The following ATP11C variants were observed in gnomAD, a reference collection of about 807,000 sequenced individuals.
ATP11C encodes ATPase phospholipid transporting 11C (ATP11C blood group).
In ATP11C, 36 loss-of-function variants were observed where a neutral mutation model predicts 97.4. That is an observed-to-expected ratio of 0.37 (90% CI 0.28 to 0.49). ATP11C has a LOEUF of 0.49. Among genes scored for constraint, ATP11C ranks in the 20% least tolerant of loss-of-function variants. The pLI is 0.98. For missense variants in ATP11C, 730 were observed against 824.6 expected (o/e 0.89, Z 1.40); for synonymous variants, 275 against 290.9 (o/e 0.95, Z 0.56).
At chrX:139,775,121 G>C (rs1036285303) in intron 18 of ATP11C, among the ~76,000 whole-genome samples, 168 bp from the exon 19 acceptor site, 6 of 111,058 alleles carry the variant, frequency 5.4e-5, no homozygotes, top group African/African-American at 9.9e-5. Flanking sequence ...GTGTTGTCTC[G>C]GGCATAATTT....
chrX:139,822,927 C>T (rs951949969), intron 2 of ATP11C, among the ~76,000 whole-genome samples: 1 of 110,701 alleles, frequency 9.0e-6, no homozygotes, highest in African/African-American at 3.3e-5. Context: ...CAGAAAATGC[C>T]AGCTTTGGGC....
chrX:139,850,792 A>C (rs2083977849), intron 1 of ATP11C, among the ~76,000 whole-genome samples: 2 of 109,793 alleles, frequency 1.8e-5, no homozygotes, highest in African/African-American at 6.6e-5. Context: ...GGCACCTATA[A>C]TCCCAGCTAC....
In ATP11C at chrX:139,737,987, G is replaced by T. The variant is rs142741321; in HGVS notation, c.3217C>A (p.Leu1073Ile). 29 of 1,200,384 alleles carry T rather than the reference G, an allele frequency of 2.4e-5. No homozygotes were observed. The African/African-American group carries it at 4.9e-4, about 20-fold the overall frequency. Residue 1073 changes from leucine to isoleucine, a missense_variant, in exon 28 of 30, where the codon CTA becomes ATA. Leu to Ile is a conservative substitution (Grantham distance 5). Coordinates refer to ENST00000682941, the MANE Select transcript of ATP11C (RefSeq NM_001353812.2). Reference sequence around the variant, plus strand: ...TCAGGGAACAGGCTGATAAATATTAGAAGAATTATAGCCAACCATGTGGAT... The same window carrying T: ...TCAGGGAACAGGCTGATAAATATTATAAGAATTATAGCCAACCATGTGGAT... ...SVSTWLAIIL[L>I]IFISLFPEIL...
At chrX:139,740,364 TAG>T (rs1185785993) in intron 27 of ATP11C, among the ~76,000 whole-genome samples, 1 of 111,691 alleles carries the variant, frequency 9.0e-6, no homozygotes, top group African/African-American at 3.3e-5. Context: ...CTCTAACCCA[TAG>T]AGTCTCAAGC....
At chrX:139,862,566 G>A in intron 1 of ATP11C, among the ~76,000 whole-genome samples, 1 of 112,081 alleles carries the variant, frequency 8.9e-6, no homozygotes, top group Non-Finnish European at 1.9e-5. Context: ...TGTGTTGATT[G>A]TTGTTGTGTT....
intron 3 of ATP11C, among the ~76,000 whole-genome samples, chrX:139,819,104 T>G (rs748658375): frequency 1.3e-3 from 147 of 112,087 alleles, no homozygotes; most frequent in Non-Finnish European, 2.2e-3. Context: ...CCATGAAAAT[T>G]TCAAAGAAAG....
intron 5 of ATP11C, among the ~76,000 whole-genome samples, chrX:139,807,325 G>C (rs2083066193): frequency 9.0e-6 from 1 of 110,987 alleles, no homozygotes; most frequent in Non-Finnish European, 1.9e-5. Context: ...TCAAGGTAAT[G>C]GCATTCTACC....
chrX:139,781,716 C>A (rs1213321816), intron 18 of ATP11C, among the ~76,000 whole-genome samples: 2 of 108,810 alleles, frequency 1.8e-5, no homozygotes, highest in Non-Finnish European at 3.8e-5. Context: ...GACTCTGTCT[C>A]AAAAATAAAT....
chrX:139,859,619 T>C (rs1203660119), intron 1 of ATP11C, among the ~76,000 whole-genome samples: 2 of 112,029 alleles, frequency 1.8e-5, no homozygotes, highest in African/African-American at 6.5e-5. Context: ...AAGGCAGACA[T>C]ATTCAACCCT....
chrX:139,912,660 C>T (rs1013940493), intron 1 of ATP11C, among the ~76,000 whole-genome samples: 3 of 111,352 alleles, frequency 2.7e-5, no homozygotes, highest in Non-Finnish European at 3.8e-5. Context: ...TGTTAATGCA[C>T]ATTGAATTTC....
intron 21 of ATP11C, 38 bp from the exon 22 acceptor site, chrX:139,762,144 GAATA>G (rs757425446): frequency 1.0e-6 from 1 of 995,301 alleles, no homozygotes; most frequent in South Asian, 3.0e-5. Flanking sequence ...GCATTTTCTA[GAATA>G]AATGACTCCC....
At chrX:139,919,187 G>A (rs2085207817) in intron 1 of ATP11C, among the ~76,000 whole-genome samples, 1 of 108,485 alleles carries the variant, frequency 9.2e-6, no homozygotes, top group Non-Finnish European at 1.9e-5. Context: ...ACATGGCAGT[G>A]AGCCGAGATC....
At chrX:139,771,868 G>A (rs941833664) in intron 19 of ATP11C, among the ~76,000 whole-genome samples, 1 of 112,161 alleles carries the variant, frequency 8.9e-6, no homozygotes, top group African/African-American at 3.2e-5. Flanking sequence ...CAGAAAATTT[G>A]CAGCCTGATG....
At chrX:139,743,696 A>G in intron 25 of ATP11C, 72 bp from the exon 26 acceptor site, 1 of 682,326 alleles carries the variant, frequency 1.5e-6, no homozygotes, top group Admixed American at 3.7e-5. Flanking sequence ...CATTTAAAAA[A>G]AAAGCCAAGT....
chrX:139,808,564 T>A (rs2083096794), intron 5 of ATP11C, among the ~76,000 whole-genome samples: 1 of 111,382 alleles, frequency 9.0e-6, no homozygotes, highest in Non-Finnish European at 1.9e-5. Context: ...AATGGAGTAA[T>A]ATCTTTAAAG....
At position 139,762,110 on chromosome X, in the gene ATP11C, A is replaced by G. The variant is rs1356116637; in HGVS notation, c.2495-4T>C. 1.7e-6 allele frequency: 2 copies of G among 1,188,060 alleles called. No homozygotes were observed. The highest frequency in any genetic ancestry group is 2.3e-6 in the Non-Finnish European group (2 of 879,439). On this transcript the variant is annotated splice_polypyrimidine_tract_variant and splice_region_variant and intron_variant, in intron 21 of 29. Coordinates refer to ENST00000682941, the MANE Select transcript of ATP11C (RefSeq NM_001353812.2). ...CGACCTTCTTTGCCTTTAATACCTA[A>G]AAGAGAGTATCTCTATATGGTGAGC... is the stretch of plus-strand genomic sequence containing the variant.
At chrX:139,897,555 C>T (rs2084830491) in intron 1 of ATP11C, among the ~76,000 whole-genome samples, 1 of 108,824 alleles carries the variant, frequency 9.2e-6, no homozygotes, top group South Asian at 4.1e-4. Flanking sequence ...CCTATAATCC[C>T]AGCTACTCAG....
At chrX:139,846,623 C>T (rs1015748403) in intron 1 of ATP11C, among the ~76,000 whole-genome samples, 2 of 111,419 alleles carry the variant, frequency 1.8e-5, no homozygotes, top group African/African-American at 3.3e-5. Context: ...TATGAAGAAA[C>T]GCTTTCGTTC....
chrX:139,891,457 C>T (rs938193921), intron 1 of ATP11C, among the ~76,000 whole-genome samples: 4 of 111,883 alleles, frequency 3.6e-5, no homozygotes, highest in African/African-American at 1.3e-4. Flanking sequence ...CCATGAACCA[C>T]CCTTCAGTCA....
Sources: gnomAD v4.1 joint callset for allele counts (sites outside exome capture counted in the v4.1 genomes callset) on GRCh38, gnomAD v4.1.1 for gene constraint, MANE v1.5 for transcripts, NCBI Gene and HGNC (gene_info 2026-07-23, HGNC 2026-07-21) for gene names.